Variants in RNF216 observed in about 807,000 individuals in gnomAD.
RNF216 encodes the protein ring finger protein 216, also known as E3 ubiquitin-protein ligase RNF216.
A neutral mutation model predicts 110.8 loss-of-function variants in RNF216; 72 were observed. That is an observed-to-expected ratio of 0.65 (90% CI 0.54 to 0.79). RNF216 has a LOEUF of 0.79. Ranked by LOEUF, RNF216 falls within the 30% of genes least tolerant of loss-of-function variation. RNF216 has a pLI of 0.00. For synonymous variants in RNF216, 495 were observed against 407.5 expected (o/e 1.21, Z -2.59); for missense variants, 1,342 against 1,141.2 (o/e 1.18, Z -2.54).
intron 7 of RNF216, among the ~76,000 whole-genome samples, chr7:5,728,630 C>T (rs751513067): frequency 2.7e-4 from 41 of 152,002 alleles, no homozygotes; most frequent in Admixed American, 1.4e-3. Flanking sequence ...TTGGCCTAGA[C>T]CTTAGCATGA....
At chr7:5,750,494 T>A (rs1397258647) in intron 3 of RNF216, among the ~76,000 whole-genome samples, 1 of 152,240 alleles carries the variant, frequency 6.6e-6, no homozygotes, top group African/African-American at 2.4e-5. Flanking sequence ...AAAACTCCAG[T>A]ATGCCTGTTA....
At chr7:5,717,732 G>A (rs529144503) in intron 9 of RNF216, among the ~76,000 whole-genome samples, 1 of 152,336 alleles carries the variant, frequency 6.6e-6, no homozygotes, top group African/African-American at 2.4e-5. Context: ...CTGCCAGGAT[G>A]CATGGTTAAA....
Position 5,624,715 on chromosome 7 carries a change from G to C in RNF216, c.2383-590C>G, listed in dbSNP as rs1715684127. On this transcript the variant is annotated intron_variant, in intron 15 of 16. Transcript: ENST00000389902. This position sits in a 1 kb window ranked among gnomAD's most constrained non-coding sequence, Gnocchi z 4.4. ...GTCTCTTCTCCCAAACCCCATGCTT[G>C]GTAGGCCTGAAATAACAAACACAAT... is the stretch of plus-strand genomic sequence containing the variant. 6.6e-6 allele frequency among the ~76,000 whole-genome samples: 1 copy of C among 152,222 alleles called. No homozygotes were observed. Among genetic ancestry groups the C allele is most frequent in the African/African-American group, 2.4e-5 (1 of 41,454 alleles).
At chr7:5,670,657 A>C (rs561125834) in intron 13 of RNF216, among the ~76,000 whole-genome samples, 1 of 152,260 alleles carries the variant, frequency 6.6e-6, no homozygotes, top group South Asian at 2.1e-4. Flanking sequence ...TTCATGTCCG[A>C]CAACCTAAGG....
chr7:5,717,511 A>G (rs1793139716), intron 9 of RNF216, among the ~76,000 whole-genome samples: 1 of 152,210 alleles, frequency 6.6e-6, no homozygotes, highest in African/African-American at 2.4e-5. Context: ...CACTTCCAAG[A>G]GTCTAGCCCA....
At chr7:5,646,691 TAA>T (rs548162611) in intron 14 of RNF216, among the ~76,000 whole-genome samples, 4 of 140,056 alleles carry the variant, frequency 2.9e-5, no homozygotes, top group Non-Finnish European at 3.1e-5. Context: ...GACTCCATCT[TAA>T]AAAAAAAAAA....
intron 15 of RNF216, among the ~76,000 whole-genome samples, chr7:5,637,526 G>C (rs1230281459): frequency 2.0e-5 from 3 of 152,176 alleles, no homozygotes; most frequent in Non-Finnish European, 2.9e-5. Flanking sequence ...TCAAAACCAT[G>C]AGTAGCTCTC....
At chr7:5,690,516 C>G (rs199696428) in intron 13 of RNF216, among the ~76,000 whole-genome samples, 7 of 152,148 alleles carry the variant, frequency 4.6e-5, no homozygotes, top group Non-Finnish European at 1.0e-4. Flanking sequence ...CCTGCACCAT[C>G]TACCACTTAG....
At chr7:5,665,908 G>A (rs1789479827) in intron 13 of RNF216, among the ~76,000 whole-genome samples, 1 of 152,156 alleles carries the variant, frequency 6.6e-6, no homozygotes, top group Non-Finnish European at 1.5e-5. Context: ...GCTCACATCT[G>A]TAATCCCAGC....
intron 14 of RNF216, among the ~76,000 whole-genome samples, chr7:5,643,299 C>T (rs180731362): frequency 1.3e-5 from 2 of 151,632 alleles, no homozygotes; most frequent in African/African-American, 4.8e-5. Flanking sequence ...GACTACCTAG[C>T]CAGTAATATA....
intron 13 of RNF216, among the ~76,000 whole-genome samples, chr7:5,656,162 T>C (rs1447200793): frequency 6.6e-6 from 1 of 152,024 alleles, no homozygotes; most frequent in African/African-American, 2.4e-5. Flanking sequence ...CCAGCTACTC[T>C]GGAAGCTGAG....
chr7:5,735,608 G>T (rs921492754), intron 5 of RNF216, among the ~76,000 whole-genome samples: 2 of 152,144 alleles, frequency 1.3e-5, no homozygotes, highest in African/African-American at 4.8e-5. Flanking sequence ...CACCCCTGAA[G>T]AAATCATCCA....
chr7:5,765,289 A>G lies in RNF216; in HGVS notation c.-69-4151T>C, dbSNP rs570759831. Among the ~76,000 whole-genome samples, 23 of 150,430 alleles carry G rather than the reference A, an allele frequency of 1.5e-4. 1 individual carries two copies. The South Asian group carries it at 4.9e-3, about 32-fold the overall frequency. On this transcript the variant is annotated intron_variant, in intron 1 of 16. Coordinates refer to ENST00000389902, the MANE Select transcript of RNF216 (RefSeq NM_207111.4). ...CAGCCTGGGCAACACAGTGAGGACT[A>G]TCTATACTGAAAATACAAAAATTAG...
At chr7:5,709,740 T>C (rs934077402) in intron 13 of RNF216, among the ~76,000 whole-genome samples, 7 of 57,820 alleles carry the variant, frequency 1.2e-4, no homozygotes, top group African/African-American at 2.4e-4. Flanking sequence ...ATGTGTGCCC[T>C]CAGGCTTTTA....
chr7:5,647,973 T>G (rs1378573703), intron 14 of RNF216, among the ~76,000 whole-genome samples: 1 of 152,184 alleles, frequency 6.6e-6, no homozygotes, highest in African/African-American at 2.4e-5. Flanking sequence ...ATTCATTTGC[T>G]TAGAAGTATT....
intron 15 of RNF216, among the ~76,000 whole-genome samples, chr7:5,633,857 T>C (rs1333897344): frequency 1.3e-5 from 2 of 152,168 alleles, no homozygotes; most frequent in African/African-American, 4.8e-5. Context: ...AGAGAGGTTT[T>C]AATTAAGAAG....
chr7:5,781,177 G>A lies in RNF216; in HGVS notation c.-70+364C>T, dbSNP rs541350942. 2.4e-3 allele frequency among the ~76,000 whole-genome samples: 369 copies of A among 152,234 alleles called. 1 individual carries two copies. Among genetic ancestry groups the A allele is most frequent in the African/African-American group, 7.3e-3 (302 of 41,534 alleles). On this transcript the variant is annotated intron_variant, in intron 1 of 16. Coordinates refer to ENST00000389902, the MANE Select transcript of RNF216 (RefSeq NM_207111.4). ...TCCTCCAGGCCGCGCTCGGGTGCACGGACACCGCCTCCGCGGCGGCCTCGG... is the reference window on the plus strand; with the variant it reads ...TCCTCCAGGCCGCGCTCGGGTGCACAGACACCGCCTCCGCGGCGGCCTCGG...
chr7:5,768,317 T>G (rs1259356560), intron 1 of RNF216, among the ~76,000 whole-genome samples: 3 of 97,370 alleles, frequency 3.1e-5, no homozygotes, highest in South Asian at 3.1e-4. Context: ...AAAGGCTGGG[T>G]CCAGTAGTGG....
intron 13 of RNF216, among the ~76,000 whole-genome samples, chr7:5,691,332 T>C (rs1390959431): frequency 6.6e-6 from 1 of 152,252 alleles, no homozygotes; most frequent in Non-Finnish European, 1.5e-5. Flanking sequence ...TTCTCAGTTA[T>C]AAGCAGTAAT....
Sources: gnomAD v4.1 joint callset for allele counts (sites outside exome capture counted in the v4.1 genomes callset) on GRCh38, gnomAD v4.1.1 for gene constraint, Gnocchi (gnomAD v3.1) non-coding constraint, MANE v1.5 for transcripts, NCBI Gene and HGNC (gene_info 2026-07-23, HGNC 2026-07-21) for gene names.